PLXND1: variants seen among roughly 807,000 people sequenced by gnomAD.
PLXND1 encodes plexin-D1.
A neutral mutation model predicts 197.7 loss-of-function variants in PLXND1; 54 were observed. The observed-to-expected ratio is 0.27, with a 90% CI of 0.22 to 0.34. PLXND1 has a LOEUF of 0.34. Among genes scored for constraint, PLXND1 ranks in the 10% least tolerant of loss-of-function variants. The probability of loss-of-function intolerance (pLI) is 1.00; values close to 1 mark genes in which losing one functional copy is unlikely to be tolerated. For missense variants in PLXND1, 2,127 were observed against 2,699.2 expected (o/e 0.79, Z 4.70); for synonymous variants, 1,180 against 1,161.2 (o/e 1.02, Z -0.33).
At chr3:129,589,828 A>G (rs1422507514) in intron 1 of PLXND1, among the ~76,000 whole-genome samples, 1 of 151,144 alleles carries the variant, frequency 6.6e-6, no homozygotes. Context: ...GAGGCCGGCC[A>G]GGGTGAGAGC....
chr3:129,569,068 G>A (rs2085184080), intron 20 of PLXND1: 1 of 152,162 alleles, frequency 6.6e-6, no homozygotes, highest in East Asian at 1.9e-4. Context: ...CCTTTGGTGA[G>A]TCTTCTTTTG....
At position 129,561,641 on chromosome 3, in the gene PLXND1, A is replaced by G; in HGVS notation, c.4993+5T>C. 2 of 1,602,056 alleles carry G rather than the reference A, an allele frequency of 1.2e-6. No homozygotes were observed. The highest frequency in any genetic ancestry group is 1.7e-6 in the Non-Finnish European group (2 of 1,173,120). ...GGGCTCCCTTCCCACGTGCACCCGC[A>G]CTACCTCGGCCCAGTGTGTTGTCCT... On this transcript the variant is annotated splice_donor_5th_base_variant and intron_variant, in intron 29 of 35. Coordinates refer to ENST00000324093, the MANE Select transcript of PLXND1 (RefSeq NM_015103.3).
chr3:129,580,839 A>G (rs2085377099), intron 8 of PLXND1, among the ~76,000 whole-genome samples: 1 of 149,698 alleles, frequency 6.7e-6, no homozygotes, highest in Admixed American at 6.6e-5. Context: ...ACCCCCAGGG[A>G]CCCCCACAAT....
rs1560062008 is a variant in PLXND1, at chr3:129,565,484, G to A, written c.4377C>T (p.Tyr1459=). 4.3e-6 allele frequency: 7 copies of A among 1,613,998 alleles called. No homozygotes were observed. Among genetic ancestry groups the A allele is most frequent in the Non-Finnish European group, 5.9e-6 (7 of 1,180,022 alleles). ...TIALHGKLEY[Y]TSIMKELLVD... is the part of the protein sequence containing the mutation. ...CCAGCAGCTCCTTCATGATGCTGGT[G>A]TAGTACTCCAGCTTGCCGTGCAGCG... Residue 1459 remains tyrosine, a synonymous_variant, in exon 25 of 36, where the codon TAC becomes TAT. Transcript: ENST00000324093.
chr3:129,559,242 G>A (rs774391520), intron 32 of PLXND1: 4 of 179,806 alleles, frequency 2.2e-5, no homozygotes, highest in Admixed American at 6.1e-5. Context: ...ATGTAGGGCC[G>A]AGCCTGGCTC....
Position 129,556,335 on chromosome 3 carries a change from A to G in PLXND1, c.5755T>C (p.Tyr1919His). 6.2e-7 allele frequency: 1 copy of G among 1,612,788 alleles called. No homozygotes were observed. Among genetic ancestry groups the G allele is most frequent in the Non-Finnish European group, 8.5e-7 (1 of 1,178,720 alleles). ...TCTCAGGCCTCACTGTAGCACTCGTAGATGTTGTCCTCCATCAAAGCCACC... is the reference window on the plus strand; with the variant it reads ...TCTCAGGCCTCACTGTAGCACTCGTGGATGTTGTCCTCCATCAAAGCCACC... ...QVVALMEDNI[Y>H]ECYSEA Residue 1919 changes from tyrosine (Y) to histidine (H), a missense_variant, in exon 36 of 36, where the codon TAC (tyrosine) becomes CAC (histidine). Tyr to His is a moderately conservative substitution (Grantham distance 83). Coordinates refer to ENST00000324093, the MANE Select transcript of PLXND1 (RefSeq NM_015103.3).
chr3:129,572,880 A>G lies in PLXND1; in HGVS notation c.2899T>C (p.Ser967Pro). ...CGGTCCCGGGACTTGCCCTCCTTAG[A>G]GGCGTTCACGGTCACCACACCTGAG... is the stretch of plus-strand genomic sequence containing the variant. ...PLSGVVTVNA[S>P]KEGKSRDRFS... Residue 967 changes from serine (S) to proline (P), a missense_variant, in exon 14 of 36, where the codon TCT (serine) becomes CCT (proline). Transcript: ENST00000324093. The G allele has an allele frequency of 6.2e-7, 1 of 1,613,826 alleles. No homozygotes were observed. Among genetic ancestry groups the G allele is most frequent in the South Asian group, 1.1e-5 (1 of 91,078 alleles).
chr3:129,594,446 C>T (rs754554883), intron 1 of PLXND1, among the ~76,000 whole-genome samples: 1 of 152,020 alleles, frequency 6.6e-6, no homozygotes, highest in Non-Finnish European at 1.5e-5. Context: ...ATTTCACCAC[C>T]GCACTCCAGT....
intron 2 of PLXND1, among the ~76,000 whole-genome samples, chr3:129,588,180 G>A (rs1485193249): frequency 6.6e-6 from 1 of 152,258 alleles, no homozygotes; most frequent in Non-Finnish European, 1.5e-5. Flanking sequence ...CTATGGGCCA[G>A]CTCCTGCTGT....
rs201304589 is a variant in PLXND1, at chr3:129,557,033, C to T, written c.5586+50G>A. 95 of 1,601,036 alleles carry T rather than the reference C, an allele frequency of 5.9e-5. 1 individual carries two copies. Among genetic ancestry groups the T allele is most frequent in the Admixed American group, 4.4e-4 (26 of 59,698 alleles). On this transcript the variant is annotated intron_variant, in intron 34 of 35. Transcript: ENST00000324093. The surrounding 1 kb of genome is among the most constrained non-coding windows in gnomAD (Gnocchi z 4.8). ...GCATTGAGGCCCAGCCCCCGACCCC[C>T]GATCCCTCAGCTCTTCAGGCCCCCA...
chr3:129,582,654 C>T (rs546311341), intron 8 of PLXND1, among the ~76,000 whole-genome samples: 1 of 152,344 alleles, frequency 6.6e-6, no homozygotes, highest in Admixed American at 6.5e-5. Flanking sequence ...CTGGCACGGG[C>T]TGCGGTGGCC....
intron 1 of PLXND1, among the ~76,000 whole-genome samples, chr3:129,600,148 T>C (rs1285302094): frequency 6.6e-6 from 1 of 152,178 alleles, no homozygotes; most frequent in Non-Finnish European, 1.5e-5. Context: ...ATTCTCTCCA[T>C]CTCAGTCTCT....
intron 29 of PLXND1, 198 bp from the exon 30 acceptor site, chr3:129,560,921 A>G (rs1215100286): frequency 4.4e-6 from 3 of 680,722 alleles, no homozygotes; most frequent in African/African-American, 3.5e-5. Flanking sequence ...TGAGACAGAG[A>G]TGCAGAGACG....
At chr3:129,596,446 G>A (rs1214256620) in intron 1 of PLXND1, among the ~76,000 whole-genome samples, 1 of 152,102 alleles carries the variant, frequency 6.6e-6, no homozygotes, top group South Asian at 2.1e-4. Flanking sequence ...ATTCCGGCCC[G>A]GCCTGGCCCC....
At chr3:129,559,511 G>C (rs2085025573) in intron 32 of PLXND1, 109 bp downstream of exon 32, 2 of 803,442 alleles carry the variant, frequency 2.5e-6, no homozygotes, top group African/African-American at 1.7e-5. Context: ...GGAAATGGCA[G>C]AGGAGGGCTT....
intron 1 of PLXND1, among the ~76,000 whole-genome samples, chr3:129,592,850 C>T (rs1019981595): frequency 6.6e-6 from 1 of 152,150 alleles, no homozygotes; most frequent in Admixed American, 6.5e-5. Context: ...GGAAGCCCAG[C>T]GTGGCGGGAA....
Position 129,571,846 on chromosome 3 carries a change from TG to T in PLXND1, c.3078-3del, listed in dbSNP as rs1278682279. 11 of 1,606,762 alleles carry T rather than the reference TG, an allele frequency of 6.8e-6. No individual in the cohort carries two copies. Among genetic ancestry groups the T allele is most frequent in the Non-Finnish European group, 8.5e-6 (10 of 1,177,100 alleles). On this transcript the variant is annotated splice_region_variant and splice_polypyrimidine_tract_variant and intron_variant, in intron 15 of 35. Transcript: ENST00000324093. Reference sequence around the variant, plus strand: ...CAGGCGATGCTGGTATCTGTGCGCCTGGGGGGAGCAGCAGGTTATCAGCAGG... The same window carrying T: ...CAGGCGATGCTGGTATCTGTGCGCCTGGGGGAGCAGCAGGTTATCAGCAGG...
chr3:129,605,344 G>T lies in PLXND1; in HGVS notation c.1296C>A (p.Arg432=). 1 of 1,440,534 alleles carries T rather than the reference G, an allele frequency of 6.9e-7. No homozygotes were observed. Among genetic ancestry groups the T allele is most frequent in the African/African-American group, 1.5e-5 (1 of 67,360 alleles). 89.2% of individuals were successfully genotyped at this position (1,440,534 alleles called of 1,614,324 possible). A position where few individuals can be genotyped will look rare whatever the true frequency, so the allele number is the denominator to read the frequency against. ...CCGGGTGTACCTGGATGTTGAGCTT[G>T]CGCTCACAGGCCGGTCCCGTGCCCT... ...VVQGTGPACE[R]KLNIQLQPEQ... is the part of the protein sequence containing the mutation. The change falls in exon 1 of 36, where the codon CGC becomes CGA. Residue 432 remains arginine (R), a synonymous_variant. Transcript: ENST00000324093.
At chr3:129,586,140 C>T in intron 4 of PLXND1, 32 bp downstream of exon 4, 1 of 1,611,304 alleles carries the variant, frequency 6.2e-7, no homozygotes, top group African/African-American at 1.3e-5. Context: ...CACAGCCCTC[C>T]TGGTCCAGCT....
Sources: gnomAD v4.1 joint callset for allele counts (sites outside exome capture counted in the v4.1 genomes callset) on GRCh38, gnomAD v4.1.1 for gene constraint, Gnocchi (gnomAD v3.1) non-coding constraint, MANE v1.5 for transcripts, NCBI Gene and HGNC (gene_info 2026-07-23, HGNC 2026-07-21) for gene names.